PDE1A: variants seen among roughly 807,000 people sequenced by gnomAD.
PDE1A encodes the protein phosphodiesterase 1A.
PDE1A carries 35 observed loss-of-function variants against 61.7 expected under a neutral mutation model. The ratio of observed to expected loss-of-function variants is 0.57; its 90% CI spans 0.43 to 0.75. The LOEUF (loss-of-function observed/expected upper bound fraction) is 0.75. Ranked by LOEUF, PDE1A falls within the 30% of genes least tolerant of loss-of-function variation. PDE1A has a pLI of 0.00. For synonymous variants in PDE1A, 232 were observed against 213.2 expected (o/e 1.09, Z -0.77); for missense variants, 597 against 630.6 (o/e 0.95, Z 0.57).
At chr2:182,581,680 A>C in the PDE1A span, among the ~76,000 whole-genome samples, 5 of 152,330 alleles carry the variant, frequency 3.3e-5, no homozygotes, top group African/African-American at 7.2e-5. Flanking sequence ...ACCCAAGAAG[A>C]AAAACCTGTA....
chr2:182,254,352 A>C (rs1235136748), intron 2 of PDE1A, among the ~76,000 whole-genome samples: 1 of 152,216 alleles, frequency 6.6e-6, no homozygotes, highest in Non-Finnish European at 1.5e-5. Context: ...CACACCACAA[A>C]AATGGAATTC....
At chr2:182,208,235 A>C (rs923318316) in intron 7 of PDE1A, among the ~76,000 whole-genome samples, 4 of 152,140 alleles carry the variant, frequency 2.6e-5, no homozygotes, top group Non-Finnish European at 5.9e-5. Context: ...TTTATAAAGG[A>C]AAGAGGTTTA....
the PDE1A span, among the ~76,000 whole-genome samples, chr2:182,557,968 C>A: frequency 6.6e-6 from 1 of 152,034 alleles, no homozygotes; most frequent in Admixed American, 6.5e-5. Flanking sequence ...AGGAACTTTT[C>A]TTTATAAATT....
exon 1 of PDE1A, chr2:182,426,918 C>T (rs1203987195): frequency 3.4e-6 from 4 of 1,160,014 alleles, no homozygotes; most frequent in African/African-American, 1.6e-5. Context: ...GCACGGGACC[C>T]TCCGAAACAG....
At chr2:182,527,303 TAAAAAAAAAAAAAA>T (rs869281717), upstream of PDE1A, among the ~76,000 whole-genome samples, 127 of 22,836 alleles carry the variant, frequency 5.6e-3, 10 homozygotes, top group African/African-American at 0.023. Context: ...CCTTTCTCTA[TAAAAAAAAAAAAAA>T]AAAAAAAAAA....
At chr2:182,587,318 T>C in the PDE1A span, among the ~76,000 whole-genome samples, 1 of 152,194 alleles carries the variant, frequency 6.6e-6, no homozygotes, top group Admixed American at 6.5e-5. Flanking sequence ...AATGTCCTTC[T>C]AACATATGTC....
the PDE1A span, among the ~76,000 whole-genome samples, chr2:182,593,079 A>T: frequency 2.4e-4 from 37 of 152,208 alleles, no homozygotes; most frequent in Non-Finnish European, 4.7e-4. Context: ...ATGTACACTG[A>T]TTGCTTAGGA....
the PDE1A span, among the ~76,000 whole-genome samples, chr2:182,566,295 A>T: frequency 6.6e-6 from 1 of 151,966 alleles, no homozygotes; most frequent in Non-Finnish European, 1.5e-5. Context: ...TACCTGCCAT[A>T]CTTTTGACCC....
chr2:182,491,751 T>C (rs1559509947), intron 2 of PDE1A, among the ~76,000 whole-genome samples: 1 of 133,392 alleles, frequency 7.5e-6, no homozygotes, highest in African/African-American at 2.9e-5. Context: ...TCCTACTACC[T>C]TGCATATTCT....
In PDE1A at chr2:182,510,028, A is replaced by AT. The variant is rs550084598; in HGVS notation, c.101+12247dup. ...GACTCTGGTGCTTAGAGATTTTACT[A>AT]TTTTTTTCATGACTCATTATAAACA... On this transcript the variant is annotated intron_variant, in intron 2 of 14. Transcript: ENST00000410103. 2.8e-3 allele frequency among the ~76,000 whole-genome samples: 419 copies of AT among 152,118 alleles called. 1 individual carries two copies. The highest frequency in any genetic ancestry group is 9.6e-3 in the African/African-American group (399 of 41,520).
At chr2:182,496,533 G>A (rs1259799320) in intron 2 of PDE1A, among the ~76,000 whole-genome samples, 1 of 152,204 alleles carries the variant, frequency 6.6e-6, no homozygotes, top group Non-Finnish European at 1.5e-5. Context: ...AGATTTGAAA[G>A]CTAAAATCTA....
At chr2:182,498,930 G>A (rs1304489845) in intron 2 of PDE1A, among the ~76,000 whole-genome samples, 1 of 151,702 alleles carries the variant, frequency 6.6e-6, no homozygotes, top group Non-Finnish European at 1.5e-5. Flanking sequence ...GCGACAGAGC[G>A]AGACTCCATC....
At chr2:182,444,629 CTCTT>C (rs1380080678) in intron 2 of PDE1A, among the ~76,000 whole-genome samples, 2 of 152,054 alleles carry the variant, frequency 1.3e-5, no homozygotes, top group Non-Finnish European at 1.5e-5. Context: ...ATCTCTCTCT[CTCTT>C]TCTCTCTCTC....
In PDE1A at chr2:182,344,886, G is replaced by A. The variant is rs77944878; in HGVS notation, c.54-80472C>T. Among the ~76,000 whole-genome samples the A allele has an allele frequency of 4.6e-5, 7 of 152,004 alleles. No homozygotes were observed. In the East Asian group the frequency reaches 1.4e-3, roughly 30 times the overall value. Reference sequence around the variant, plus strand: ...GACTTCCCTGACAGAAGCCCCTGCAGAAAAAAAGAGCTTGTCCCAAACCCA... The same window carrying A: ...GACTTCCCTGACAGAAGCCCCTGCAAAAAAAAAGAGCTTGTCCCAAACCCA... On this transcript the variant is annotated intron_variant, in intron 1 of 13. Coordinates refer to ENST00000351439, the Ensembl canonical transcript of PDE1A.
the PDE1A span, chr2:182,716,053 G>A: frequency 6.6e-6 from 1 of 152,314 alleles, no homozygotes; most frequent in South Asian, 2.1e-4. Context: ...ATTGGTGAGG[G>A]GGCGCGGGCT....
chr2:182,449,026 A>G (rs940990293), intron 2 of PDE1A, among the ~76,000 whole-genome samples: 14 of 147,426 alleles, frequency 9.5e-5, no homozygotes, highest in Non-Finnish European at 1.6e-4. Context: ...GAATTGTACC[A>G]CTACAGGATC....
chr2:182,234,587 T>G lies in PDE1A; in HGVS notation c.351-89A>C, dbSNP rs891934058. 6.0e-6 allele frequency: 5 copies of G among 835,980 alleles called. No homozygotes were observed. The African/African-American group carries it at 8.6e-5, about 14-fold the overall frequency. The allele number at this position is 835,980 out of a possible 1,614,324, so 51.8% of individuals were successfully genotyped here. On this transcript the variant is annotated intron_variant, in intron 3 of 13. Coordinates refer to ENST00000351439, the Ensembl canonical transcript of PDE1A. ...TAAATATCAGGGAAAAGATTACTTT[T>G]GACATGTTCACCTCTTATCATTAGT...
the PDE1A span, among the ~76,000 whole-genome samples, chr2:182,634,397 T>C: frequency 6.6e-6 from 1 of 152,216 alleles, no homozygotes; most frequent in Non-Finnish European, 1.5e-5. Flanking sequence ...AGCAGCTTTC[T>C]ATCTCCAAAT....
intron 1 of PDE1A, among the ~76,000 whole-genome samples, chr2:182,279,670 G>A (rs1693672895): frequency 6.6e-6 from 1 of 151,484 alleles, no homozygotes; most frequent in African/African-American, 2.4e-5. Context: ...GTAAATTATG[G>A]ACAAAATTAA....
Sources: allele counts gnomAD v4.1 joint callset (sites outside exome capture counted in the v4.1 genomes callset), GRCh38; gene constraint gnomAD v4.1.1; transcripts MANE v1.5; gene names NCBI Gene and HGNC (gene_info 2026-07-23, HGNC 2026-07-21).